Variants in TOM1 observed in about 807,000 individuals in gnomAD.
TOM1 encodes target of myb1 membrane trafficking protein, also known as target of Myb protein 1.
TOM1 carries 38 observed loss-of-function variants against 61.3 expected under a neutral mutation model. That is an observed-to-expected ratio of 0.62 (90% CI 0.48 to 0.81). The LOEUF (loss-of-function observed/expected upper bound fraction) is 0.81. TOM1 is among the 40% of genes least tolerant of loss of function. The pLI, the probability that TOM1 is intolerant of heterozygous loss-of-function variation, is 0.00. For missense variants in TOM1, 591 were observed against 659.6 expected, an observed-to-expected ratio of 0.90 and a Z score of 1.14; for synonymous variants, 270 against 268.8, an observed-to-expected ratio of 1.00 and a Z score of -0.04.
At position 35,324,670 on chromosome 22, in the gene TOM1, T is replaced by C. The variant is rs147859095; in HGVS notation, c.648+756T>C. Among the ~76,000 whole-genome samples the C allele has an allele frequency of 2.4e-3, 364 of 152,276 alleles. 3 individuals are homozygous for C. Among genetic ancestry groups the C allele is most frequent in the Middle Eastern group, 6.8e-3 (2 of 294 alleles). On this transcript the variant is annotated intron_variant, in intron 6 of 14. Coordinates refer to ENST00000449058, the MANE Select transcript of TOM1 (RefSeq NM_005488.3). ...TTCAAGCAATTCTCCTGCCTCAGCC[T>C]CCTGAGTAGCTGGGACTACAGGCAT... is the stretch of plus-strand genomic sequence containing the variant.
At chr22:35,301,048 CAAAAAA>C (rs139553640) in intron 1 of TOM1, among the ~76,000 whole-genome samples, 119 of 111,178 alleles carry the variant, frequency 1.1e-3, no homozygotes, top group Non-Finnish European at 8.2e-4. Context: ...CCCGTCTCTA[CAAAAAA>C]AAAAAAAAAA....
chr22:35,331,950 C>G (rs997386822), intron 8 of TOM1, among the ~76,000 whole-genome samples: 1 of 152,080 alleles, frequency 6.6e-6, no homozygotes, highest in African/African-American at 2.4e-5. Flanking sequence ...GTGCCCATCA[C>G]ACCTCCTCTG....
Position 35,327,297 on chromosome 22 carries a change from G to A in TOM1, c.675G>A (p.Glu225=). Residue 225 remains glutamate (E), a synonymous_variant, in exon 7 of 15, where the codon GAG becomes GAA. Transcript: ENST00000449058. ...TTGGGAAGCTGCGCAGTGAGCTGGA[G>A]ATGGTGAGTGGGAACGTGAGGGTGA... ...EQIGKLRSEL[E]MVSGNVRVMS... The A allele has an allele frequency of 6.2e-7, 1 of 1,614,108 alleles. No individual in the cohort carries two copies. Among genetic ancestry groups the A allele is most frequent in the Admixed American group, 1.7e-5 (1 of 60,024 alleles).
chr22:35,340,774 G>A (rs571949969), intron 12 of TOM1, among the ~76,000 whole-genome samples: 2 of 152,268 alleles, frequency 1.3e-5, no homozygotes, highest in South Asian at 2.1e-4. Context: ...AGGGAGGGAC[G>A]AGTTGTGGAA....
intron 1 of TOM1, among the ~76,000 whole-genome samples, chr22:35,311,467 C>T (rs1388410787): frequency 6.6e-6 from 1 of 152,206 alleles, no homozygotes; most frequent in Non-Finnish European, 1.5e-5. Context: ...TGTCCTTAGC[C>T]TGGTGGCTAA....
At chr22:35,333,242 C>G (rs1048021230) in intron 9 of TOM1, 162 bp from the exon 10 acceptor site, 16 of 801,354 alleles carry the variant, frequency 2.0e-5, no homozygotes, top group Non-Finnish European at 2.6e-5. Context: ...TCCAGTTGAG[C>G]TGGAGCCAGA....
At chr22:35,300,117 GC>G in intron 1 of TOM1, 137 bp downstream of exon 1, 1 of 965,288 alleles carries the variant, frequency 1.0e-6, no homozygotes, top group Non-Finnish European at 1.5e-6. Flanking sequence ...ACCTGGCTCC[GC>G]CCAGCTTTCC....
chr22:35,318,209 C>G, intron 2 of TOM1: 1 of 564,964 alleles, frequency 1.8e-6, no homozygotes. Context: ...AGCCCAGATT[C>G]CACACGGATC....
intron 12 of TOM1, among the ~76,000 whole-genome samples, chr22:35,340,932 C>T (rs1408832505): frequency 6.6e-6 from 1 of 152,224 alleles, no homozygotes; most frequent in African/African-American, 2.4e-5. Flanking sequence ...CTGGGCCTCT[C>T]GTGGACAGAG....
At chr22:35,329,570 C>CA (rs1273469162) in intron 7 of TOM1, among the ~76,000 whole-genome samples, 4 of 152,082 alleles carry the variant, frequency 2.6e-5, no homozygotes, top group Non-Finnish European at 5.9e-5. Flanking sequence ...TTTAAAAAGA[C>CA]AAAAAATCAG....
chr22:35,330,698 C>T (rs774133911), intron 8 of TOM1, among the ~76,000 whole-genome samples: 2 of 152,134 alleles, frequency 1.3e-5, no homozygotes, highest in Non-Finnish European at 2.9e-5. Flanking sequence ...CCAGGGTTAG[C>T]GCTGCTGCCT....
In TOM1 at chr22:35,332,277, G is replaced by C. The variant is rs575361494; in HGVS notation, c.900-704G>C. ...GAGGGGCCCCATCTGGTAGCAGCTG[G>C]TACCCTCAGATATCCACAGTCATTA... On this transcript the variant is annotated intron_variant, in intron 8 of 14. Coordinates refer to ENST00000449058, the MANE Select transcript of TOM1 (RefSeq NM_005488.3). Among the ~76,000 whole-genome samples the C allele has an allele frequency of 1.8e-4, 27 of 152,226 alleles. No individual in the cohort carries two copies. The South Asian group carries it at 5.4e-3, about 30-fold the overall frequency.
chr22:35,330,260 C>A, intron 7 of TOM1, 87 bp from the exon 8 acceptor site: 1 of 1,397,648 alleles, frequency 7.2e-7, no homozygotes, highest in Non-Finnish European at 9.7e-7. Flanking sequence ...CCAGCCTGGG[C>A]GACAGAGCTC....
intron 11 of TOM1, among the ~76,000 whole-genome samples, chr22:35,335,125 G>A (rs527922468): frequency 1.6e-4 from 24 of 152,266 alleles, no homozygotes; most frequent in East Asian, 5.8e-4. Flanking sequence ...AACTGGCCCC[G>A]TACAGGCTTG....
intron 8 of TOM1, among the ~76,000 whole-genome samples, chr22:35,332,230 G>T (rs972228173): frequency 6.6e-6 from 1 of 152,110 alleles, no homozygotes; most frequent in African/African-American, 2.4e-5. Flanking sequence ...TGCCATTTTG[G>T]GGTATGGGCT....
In TOM1 at chr22:35,306,303, G is replaced by A. The variant is rs56358602; in HGVS notation, c.52+6323G>A. On this transcript the variant is annotated intron_variant, in intron 1 of 14. Coordinates refer to ENST00000449058, the MANE Select transcript of TOM1 (RefSeq NM_005488.3). ...GATGGAGCACACTGTTCCTCAAAGTGGGGTACCAGAGCACCCACACTGGGG... is the reference window on the plus strand; with the variant it reads ...GATGGAGCACACTGTTCCTCAAAGTAGGGTACCAGAGCACCCACACTGGGG... Among the ~76,000 whole-genome samples, 1,396 of 152,282 alleles carry A rather than the reference G, an allele frequency of 9.2e-3. 17 individuals carry two copies. The highest frequency in any genetic ancestry group is 0.032 in the African/African-American group (1,321 of 41,542).
rs753869647 is a variant in TOM1, at chr22:35,333,392, C to G, written c.934-12C>G. On this transcript the variant is annotated splice_polypyrimidine_tract_variant and intron_variant, in intron 9 of 14. Coordinates refer to ENST00000449058, the MANE Select transcript of TOM1 (RefSeq NM_005488.3). ...ACAGCGGGGATGATCAGGGCATCTCCCTTCCCACCAGGCCCCAAGTGAGGC... is the reference window on the plus strand; with the variant it reads ...ACAGCGGGGATGATCAGGGCATCTCGCTTCCCACCAGGCCCCAAGTGAGGC... 2.5e-6 allele frequency: 4 copies of G among 1,612,964 alleles called. No homozygotes were observed. The highest frequency in any genetic ancestry group is 1.1e-5 in the South Asian group (1 of 91,028).
chr22:35,338,109 G>A lies in TOM1; in HGVS notation c.1149-604G>A, dbSNP rs546130178. 2.0e-4 allele frequency among the ~76,000 whole-genome samples: 30 copies of A among 152,192 alleles called. No individual in the cohort carries two copies. The South Asian group carries it at 5.6e-3, about 28-fold the overall frequency. On this transcript the variant is annotated intron_variant, in intron 11 of 14. Transcript: ENST00000449058. The stretch of plus-strand genomic sequence containing the variant: ...GCCGCTCCCAGCCCATCAGCCTTGC[G>A]TGCCCTCCCAGTTCCTGCCTCCCCA...
In TOM1 at chr22:35,345,563, C is replaced by G; in HGVS notation, c.1225-162C>G. On this transcript the variant is annotated intron_variant, in intron 12 of 14. Coordinates refer to ENST00000449058, the MANE Select transcript of TOM1 (RefSeq NM_005488.3). ...GTCTCCTGGCTCTGCACCTCCATCA[C>G]CCACAGCCTGGCACAGCGGGCCCAG... 2.9e-6 allele frequency: 2 copies of G among 683,326 alleles called. 1 individual carries two copies. The highest frequency in any genetic ancestry group is 3.3e-5 in the South Asian group (2 of 60,522). The allele number at this position is 683,326 out of a possible 1,614,324, so 42.3% of individuals were successfully genotyped here. A position where few individuals can be genotyped will look rare whatever the true frequency, so the allele number is the denominator to read the frequency against.
Sources: allele counts gnomAD v4.1 joint callset (sites outside exome capture counted in the v4.1 genomes callset), GRCh38; gene constraint gnomAD v4.1.1; transcripts MANE v1.5; gene names NCBI Gene and HGNC (gene_info 2026-07-23, HGNC 2026-07-21).